The following RCBTB2 variants were observed in gnomAD, a reference collection of about 807,000 sequenced individuals.
The protein encoded by RCBTB2 is RCC1 and BTB domain-containing protein 2.
Under a neutral mutation model 65.4 loss-of-function variants are expected in RCBTB2, and 55 were observed. The observed-to-expected ratio is 0.84, with a 90% CI of 0.68 to 1.05. The LOEUF (loss-of-function observed/expected upper bound fraction) is 1.05. Among genes scored for constraint, RCBTB2 ranks in the 50% least tolerant of loss-of-function variants. RCBTB2 has a pLI of 0.00. For missense variants in RCBTB2, 599 were observed against 680.1 expected, an observed-to-expected ratio of 0.88 and a Z score of 1.33; for synonymous variants, 220 against 255.2, an observed-to-expected ratio of 0.86 and a Z score of 1.31.
intron 14 of RCBTB2, among the ~76,000 whole-genome samples, chr13:48,494,990 T>C (rs1321521284): frequency 6.6e-6 from 1 of 152,196 alleles, no homozygotes; most frequent in East Asian, 1.9e-4. Context: ...TGATGAGTCA[T>C]TACCTTCCTC....
intron 13 of RCBTB2, among the ~76,000 whole-genome samples, chr13:48,499,111 A>AACACACACACACACAC (rs142443945): frequency 0.019 from 2,006 of 105,610 alleles, 85 homozygotes; most frequent in African/African-American, 0.066. Flanking sequence ...CCCCCACCCC[A>AACACACACACACACAC]ACACACACAC....
At chr13:48,506,571 C>G (rs1345857579) in intron 10 of RCBTB2, among the ~76,000 whole-genome samples, 1 of 152,108 alleles carries the variant, frequency 6.6e-6, no homozygotes, top group African/African-American at 2.4e-5. Flanking sequence ...TAAGAAAACC[C>G]CCGGCTGGCA....
At chr13:48,505,686 C>T (rs993328514) in intron 10 of RCBTB2, among the ~76,000 whole-genome samples, 3 of 151,980 alleles carry the variant, frequency 2.0e-5, no homozygotes, top group South Asian at 2.1e-4. Context: ...GGGCAGGACA[C>T]GCGGATCAGA....
At chr13:48,516,101 AGAG>A (rs1951073338) in intron 4 of RCBTB2, among the ~76,000 whole-genome samples, 1 of 55,824 alleles carries the variant, frequency 1.8e-5, no homozygotes, top group South Asian at 4.8e-4. Flanking sequence ...AGAGACAGAG[AGAG>A]AGAGAGAGAG....
Position 48,510,724 on chromosome 13 carries a change from T to C in RCBTB2, c.831A>G (p.Gln277=), listed in dbSNP as rs747198457. 32 of 1,614,056 alleles carry C rather than the reference T, an allele frequency of 2.0e-5. No individual in the cohort carries two copies. In the Middle Eastern group the frequency reaches 4.9e-4, roughly 25 times the overall value. Residue 277 remains glutamine (Q), a synonymous_variant, in exon 10 of 15, where the codon CAA becomes CAG. Transcript: ENST00000344532. ...AAGAATTGGCGCCCCAAGCATACACTTGGCCTTCATCTGTTAATACTAATG... is the reference window on the plus strand; with the variant it reads ...AAGAATTGGCGCCCCAAGCATACACCTGGCCTTCATCTGTTAATACTAATG... ...AHTLVLTDEG[Q]VYAWGANSYG... is the part of the protein sequence containing the mutation.
At chr13:48,516,262 T>G (rs1593740625) in intron 4 of RCBTB2, among the ~76,000 whole-genome samples, 3 of 152,332 alleles carry the variant, frequency 2.0e-5, no homozygotes, top group Admixed American at 6.5e-5. Context: ...GTGGGTTTCC[T>G]CATCCCTCAA....
chr13:48,496,689 C>T (rs1246859719), intron 13 of RCBTB2, among the ~76,000 whole-genome samples: 1 of 148,630 alleles, frequency 6.7e-6, no homozygotes, highest in Non-Finnish European at 1.5e-5. Flanking sequence ...TAAGAGTGCC[C>T]GCCGTGAAAA....
In RCBTB2 at chr13:48,512,628, G is replaced by A. The variant is rs1050035823; in HGVS notation, c.516+101C>T. ...CAAAAATAAGGCTGAATTTGAGGGA[G>A]GTGGTTATTTTAATCAAATGATTGT... On this transcript the variant is annotated intron_variant, in intron 7 of 14. Transcript: ENST00000344532. 17 of 980,320 alleles carry A rather than the reference G, an allele frequency of 1.7e-5. No individual in the cohort carries two copies. In the East Asian group the frequency reaches 2.7e-4, roughly 16 times the overall value. The allele number at this position is 980,320 out of a possible 1,614,324, so 60.7% of individuals were successfully genotyped here.
intron 1 of RCBTB2, among the ~76,000 whole-genome samples, chr13:48,525,584 C>T (rs949782393): frequency 1.3e-5 from 2 of 151,556 alleles, no homozygotes; most frequent in African/African-American, 2.4e-5. Flanking sequence ...AAATGCTGAT[C>T]TCAGCCCACT....
intron 1 of RCBTB2, chr13:48,532,613 C>T (rs192629615): frequency 1.0e-5 from 2 of 200,166 alleles, no homozygotes; most frequent in South Asian, 1.2e-4. Context: ...ATGAGAGCGG[C>T]CTCCGAGCAG....
chr13:48,515,585 C>T lies in RCBTB2; in HGVS notation c.198+1G>A. 1 of 1,584,416 alleles carries T rather than the reference C, an allele frequency of 6.3e-7. No homozygotes were observed. The highest frequency in any genetic ancestry group is 1.2e-5 in the South Asian group (1 of 85,474). On this transcript the variant is annotated splice_donor_variant, in intron 5 of 14. Transcript: ENST00000344532. LOFTEE classifies it high-confidence loss of function. ...AGCTGATTTATTTTCTTCAAAATTA[C>T]CTCATCATTTACTGTAGTGTATAAA...
intron 10 of RCBTB2, chr13:48,504,144 G>T (rs886099414): frequency 3.0e-6 from 3 of 984,574 alleles, no homozygotes; most frequent in East Asian, 2.3e-4. Flanking sequence ...CCACTGGGGG[G>T]TCAGGTACAC....
Position 48,489,091 on chromosome 13 carries a change from T to C in RCBTB2, c.*1020A>G, listed in dbSNP as rs551588601. 6.6e-6 allele frequency: 1 copy of C among 152,364 alleles called. No homozygotes were observed. The highest frequency in any genetic ancestry group is 1.5e-5 in the Non-Finnish European group (1 of 68,028). The allele number at this position is 152,364 out of a possible 1,614,324, so 9.4% of individuals were successfully genotyped here. On this transcript the variant is annotated 3_prime_UTR_variant, in exon 15 of 15. Coordinates refer to ENST00000344532, the MANE Select transcript of RCBTB2 (RefSeq NM_001268.4). ...TACACATTAGAAGAATCTGAGACTA[T>C]GTTCCATTTCAGTTTCTCTTTTGCA...
At position 48,493,316 on chromosome 13, in the gene RCBTB2, C is replaced by CACACT. The variant is rs1566254752; in HGVS notation, c.1515+2874_1515+2875insAGTGT. Among the ~76,000 whole-genome samples the CACACT allele has an allele frequency of 7.7e-4, 19 of 24,792 alleles. 1 individual carries two copies. Among genetic ancestry groups the CACACT allele is most frequent in the African/African-American group, 2.8e-3 (19 of 6,744 alleles). 16.3% of individuals were successfully genotyped at this position (24,792 alleles called of 152,430 possible). ...ACACACACACACACACACACACACA[C>CACACT]TCTCTCTCTCTCTCTCTCTCTCTCT... On this transcript the variant is annotated intron_variant, in intron 14 of 14. Transcript: ENST00000344532.
At chr13:48,531,443 C>A (rs80333011) in intron 1 of RCBTB2, among the ~76,000 whole-genome samples, 1 of 152,148 alleles carries the variant, frequency 6.6e-6, no homozygotes, top group Non-Finnish European at 1.5e-5. Context: ...TTTGGAGAGC[C>A]AGACATTTTA....
chr13:48,526,017 T>C (rs747237054), intron 1 of RCBTB2, among the ~76,000 whole-genome samples: 3 of 152,320 alleles, frequency 2.0e-5, no homozygotes, highest in Non-Finnish European at 2.9e-5. Context: ...GTCAATGAAT[T>C]GGTATGCTAC....
upstream of RCBTB2, among the ~76,000 whole-genome samples, chr13:48,533,873 T>G (rs1952310092): frequency 1.3e-5 from 2 of 152,238 alleles, no homozygotes; most frequent in Admixed American, 6.5e-5. Flanking sequence ...TGAAGTAAGC[T>G]ACTTGCTTTT....
chr13:48,517,886 G>T (rs1951182184), intron 4 of RCBTB2, among the ~76,000 whole-genome samples: 1 of 152,108 alleles, frequency 6.6e-6, no homozygotes, highest in Non-Finnish European at 1.5e-5. Context: ...AGTTAAGATG[G>T]AGTCATACTG....
chr13:48,533,373 G>T (rs1014734437), upstream of RCBTB2: 2 of 262,390 alleles, frequency 7.6e-6, no homozygotes, highest in Admixed American at 5.3e-5. Context: ...CTTCTCCAGG[G>T]TTATGTTCTC....
Sources: allele counts gnomAD v4.1 joint callset (sites outside exome capture counted in the v4.1 genomes callset), GRCh38; gene constraint gnomAD v4.1.1; transcripts MANE v1.5; gene names NCBI Gene and HGNC (gene_info 2026-07-23, HGNC 2026-07-21).